The following GNA12 variants were observed in gnomAD, a reference collection of about 807,000 sequenced individuals.
GNA12 encodes the protein guanine nucleotide-binding protein subunit alpha-12.
In GNA12, 9 loss-of-function variants were observed where a neutral mutation model predicts 26.0. The observed-to-expected ratio is 0.35, with a 90% CI of 0.21 to 0.60. GNA12 has a LOEUF of 0.60. Among genes scored for constraint, GNA12 ranks in the 20% least tolerant of loss-of-function variants. The pLI is 0.78. For missense variants in GNA12, 405 were observed against 525.8 expected (o/e 0.77, Z 2.25); for synonymous variants, 264 against 219.6 (o/e 1.20, Z -1.79).
At chr7:2,750,111 C>G (rs1248708433) in intron 2 of GNA12, among the ~76,000 whole-genome samples, 2 of 152,190 alleles carry the variant, frequency 1.3e-5, no homozygotes, top group Non-Finnish European at 2.9e-5. Context: ...CCACACACTT[C>G]TGAATAATCC....
At chr7:2,735,206 G>A (rs1331256829) in intron 2 of GNA12, among the ~76,000 whole-genome samples, 3 of 152,164 alleles carry the variant, frequency 2.0e-5, no homozygotes, top group Non-Finnish European at 2.9e-5. Context: ...GAGGTGCCAC[G>A]CAAGCCCAAG....
chr7:2,787,115 C>T lies in GNA12; in HGVS notation c.525+7813G>A, dbSNP rs547844120. Among the ~76,000 whole-genome samples, 14 of 152,290 alleles carry T rather than the reference C, an allele frequency of 9.2e-5. No individual in the cohort carries two copies. In the South Asian group the frequency reaches 2.9e-3, roughly 32 times the overall value. ...AATCCACAGACAGAACACAACAACC[C>T]TGGGGCTCGCTCTTCCTCAGGGCGG... is the stretch of plus-strand genomic sequence containing the variant. On this transcript the variant is annotated intron_variant, in intron 2 of 3. Transcript: ENST00000275364.
intron 1 of GNA12, among the ~76,000 whole-genome samples, chr7:2,807,374 CTT>C (rs896177788): frequency 5.9e-5 from 9 of 152,158 alleles, no homozygotes; most frequent in Admixed American, 3.9e-4. Context: ...TTTCTAGTCT[CTT>C]GTTTCCAGTA....
intron 2 of GNA12, among the ~76,000 whole-genome samples, chr7:2,751,169 G>C (rs1791016354): frequency 6.6e-6 from 1 of 152,060 alleles, no homozygotes; most frequent in South Asian, 2.1e-4. Flanking sequence ...AGGTGGACTG[G>C]TTGAGGTCAG....
At chr7:2,840,448 A>G (rs1778957708) in intron 1 of GNA12, among the ~76,000 whole-genome samples, 3 of 152,242 alleles carry the variant, frequency 2.0e-5, no homozygotes, top group South Asian at 2.1e-4. Flanking sequence ...TACAGCACAC[A>G]GTCCGTGCTC....
At chr7:2,808,256 G>C (rs911826634) in intron 1 of GNA12, among the ~76,000 whole-genome samples, 5 of 152,204 alleles carry the variant, frequency 3.3e-5, no homozygotes, top group Non-Finnish European at 7.3e-5. Context: ...AGTGCTACCC[G>C]ACACCCACCT....
At chr7:2,766,112 A>G (rs1308592519) in intron 2 of GNA12, among the ~76,000 whole-genome samples, 1 of 152,130 alleles carries the variant, frequency 6.6e-6, no homozygotes, top group Non-Finnish European at 1.5e-5. Flanking sequence ...CTAATTAAAC[A>G]ACTCCCATTT....
At chr7:2,751,143 T>C (rs1260539239) in intron 2 of GNA12, among the ~76,000 whole-genome samples, 1 of 152,010 alleles carries the variant, frequency 6.6e-6, no homozygotes, top group Non-Finnish European at 1.5e-5. Flanking sequence ...ACCCCAGCAC[T>C]TTAGGAGGCT....
At chr7:2,770,649 AC>A (rs780885985) in intron 2 of GNA12, among the ~76,000 whole-genome samples, 2 of 82,924 alleles carry the variant, frequency 2.4e-5, no homozygotes, top group African/African-American at 8.0e-5. Flanking sequence ...AACAATAACA[AC>A]AACAAAACAA....
At chr7:2,815,082 C>T (rs1023645242) in intron 1 of GNA12, 2 of 1,300,426 alleles carry the variant, frequency 1.5e-6, no homozygotes, top group South Asian at 1.5e-5. Flanking sequence ...GAGGACACAA[C>T]AGAGAACCAG....
chr7:2,834,344 A>T (rs1778766509), intron 1 of GNA12, among the ~76,000 whole-genome samples: 1 of 152,232 alleles, frequency 6.6e-6, no homozygotes, highest in African/African-American at 2.4e-5. Flanking sequence ...TAGATACCTC[A>T]GCCAGAATTA....
intron 2 of GNA12, among the ~76,000 whole-genome samples, chr7:2,734,898 G>A (rs1213746682): frequency 6.6e-6 from 1 of 152,176 alleles, no homozygotes; most frequent in African/African-American, 2.4e-5. Context: ...CATCGGGAGT[G>A]CCAGGGTGAA....
chr7:2,834,618 T>TA (rs1278023655), intron 1 of GNA12, among the ~76,000 whole-genome samples: 2 of 152,352 alleles, frequency 1.3e-5, no homozygotes, highest in Non-Finnish European at 2.9e-5. Flanking sequence ...AAAAAGTTTC[T>TA]AAAATCAGCC....
intron 2 of GNA12, among the ~76,000 whole-genome samples, chr7:2,773,457 G>A (rs1045237977): frequency 1.3e-5 from 2 of 152,174 alleles, no homozygotes; most frequent in African/African-American, 4.8e-5. Context: ...AGCTACTCGG[G>A]AGGCTGAGGC....
chr7:2,779,720 T>G (rs1426652850), intron 2 of GNA12, among the ~76,000 whole-genome samples: 1 of 152,006 alleles, frequency 6.6e-6, no homozygotes, highest in Non-Finnish European at 1.5e-5. Flanking sequence ...TGCTGCAGCC[T>G]CCTGAGTGGC....
At chr7:2,837,115 G>A (rs1583319099) in intron 1 of GNA12, among the ~76,000 whole-genome samples, 1 of 151,668 alleles carries the variant, frequency 6.6e-6, no homozygotes, top group Middle Eastern at 3.4e-3. Context: ...TTCTCTGCCT[G>A]GAAGAAGCAG....
At chr7:2,763,888 G>C (rs1459340423) in intron 2 of GNA12, among the ~76,000 whole-genome samples, 1 of 152,190 alleles carries the variant, frequency 6.6e-6, no homozygotes, top group Non-Finnish European at 1.5e-5. Context: ...GAGAGAGAAG[G>C]AGCTCAGCTG....
intron 2 of GNA12, among the ~76,000 whole-genome samples, chr7:2,742,367 T>C (rs572830082): frequency 1.1e-4 from 16 of 152,300 alleles, no homozygotes; most frequent in African/African-American, 3.8e-4. Context: ...CTTGGGGTTT[T>C]TGCGATGTCT....
At chr7:2,736,890 C>T (rs894146838) in intron 2 of GNA12, among the ~76,000 whole-genome samples, 13 of 152,196 alleles carry the variant, frequency 8.5e-5, no homozygotes, top group African/African-American at 3.1e-4. Flanking sequence ...AATTTAGGAC[C>T]ACGAGAAAAG....
Sources: gnomAD v4.1 joint callset for allele counts (sites outside exome capture counted in the v4.1 genomes callset) on GRCh38, gnomAD v4.1.1 for gene constraint, MANE v1.5 for transcripts, NCBI Gene and HGNC (gene_info 2026-07-23, HGNC 2026-07-21) for gene names.